PIWIL2: variants seen among roughly 807,000 people sequenced by gnomAD.
PIWIL2 encodes piwi-like protein 2.
A neutral mutation model predicts 116.5 loss-of-function variants in PIWIL2; 81 were observed. The observed-to-expected ratio is 0.70, with a 90% confidence interval of 0.58 to 0.84. PIWIL2 has a LOEUF of 0.84. Among genes scored for constraint, PIWIL2 ranks in the 40% least tolerant of loss-of-function variants. PIWIL2 has a pLI of 0.00. For missense variants in PIWIL2, 1,272 were observed against 1,212.3 expected (o/e 1.05, Z -0.73); for synonymous variants, 489 against 429.5 (o/e 1.14, Z -1.71).
intron 22 of PIWIL2, 27 bp from the exon 23 acceptor site, chr8:22,355,322 G>T (rs1452568220): frequency 3.1e-6 from 5 of 1,612,758 alleles, no homozygotes; most frequent in Non-Finnish European, 4.2e-6. Context: ...GGGATGATGA[G>T]AATTATATTT....
At chr8:22,317,313 C>T (rs556177219) in intron 19 of PIWIL2, among the ~76,000 whole-genome samples, 7 of 152,088 alleles carry the variant, frequency 4.6e-5, no homozygotes, top group Non-Finnish European at 8.8e-5. Context: ...TTAACAGTTG[C>T]CAAAGGTTTG....
At chr8:22,349,051 CTT>C (rs35385064) in intron 20 of PIWIL2, among the ~76,000 whole-genome samples, 8 of 136,776 alleles carry the variant, frequency 5.8e-5, no homozygotes, top group Non-Finnish European at 1.1e-4. Flanking sequence ...TTTCTTTTTT[CTT>C]TTTTTTTTTT....
In PIWIL2 at chr8:22,311,230, C is replaced by G; in HGVS notation, c.1919C>G (p.Ala640Gly). Residue 640 changes from alanine to glycine, a missense_variant, in exon 16 of 23, where the codon GCC becomes GGC. Physicochemically the swap from Ala to Gly is moderately conservative, Grantham distance 60 (BLOSUM62 0). Coordinates refer to ENST00000356766, the MANE Select transcript of PIWIL2 (RefSeq NM_018068.5). Reference protein sequence around the residue: ...GPIGMRMSPPAWVELKDDRIE... With the variant: ...GPIGMRMSPPGWVELKDDRIE... ...ATTGGCATGCGTATGAGCCCACCGG[C>G]CTGGGTTGAACTAAAGGATGACCGA... The G allele has an allele frequency of 6.2e-7, 1 of 1,614,100 alleles. No individual in the cohort carries two copies. Among genetic ancestry groups the G allele is most frequent in the Non-Finnish European group, 8.5e-7 (1 of 1,180,014 alleles).
At chr8:22,355,320 G>A in intron 22 of PIWIL2, 29 bp from the exon 23 acceptor site, 1 of 1,611,744 alleles carries the variant, frequency 6.2e-7, no homozygotes, top group Non-Finnish European at 8.5e-7. Context: ...GGGGGATGAT[G>A]AGAATTATAT....
At position 22,314,367 on chromosome 8, in the gene PIWIL2, C is replaced by T. The variant is rs549556841; in HGVS notation, c.2029C>T (p.Arg677Cys). The T allele has an allele frequency of 5.1e-6, 8 of 1,582,210 alleles. No individual in the cohort carries two copies. The highest frequency in any genetic ancestry group is 3.5e-5 in the South Asian group (3 of 86,012). Residue 677 changes from arginine to cysteine, a missense_variant, in exon 17 of 23, where the codon CGT (arginine) becomes TGT (cysteine). By Grantham distance (180) the Arg-to-Cys change is radical. Transcript: ENST00000356766. ...QMVVCIIMGP[R>C]DDLYGAIKKL... ...GGTTGTTTGCATCATCATGGGCCCA[C>T]GTGATGATCTCTATGGGGCCATCAA... is the stretch of plus-strand genomic sequence containing the variant.
Position 22,318,253 on chromosome 8 carries a change from G to A in PIWIL2, c.2381G>A (p.Gly794Asp), listed in dbSNP as rs1255024754. 2 of 1,608,056 alleles carry A rather than the reference G, an allele frequency of 1.2e-6. No homozygotes were observed. Among genetic ancestry groups the A allele is most frequent in the Admixed American group, 3.3e-5 (2 of 59,858 alleles). Residue 794 changes from glycine to aspartate, a missense_variant, in exon 20 of 23, where the codon GGC (glycine) becomes GAC (aspartate). By Grantham distance (94) the Gly-to-Asp change is moderately conservative. Coordinates refer to ENST00000356766, the MANE Select transcript of PIWIL2 (RefSeq NM_018068.5). ...IVDSLKLCLVGSLKKFYEVNH... is the reference protein window; with the variant it reads ...IVDSLKLCLVDSLKKFYEVNH... ...GACAGCCTGAAGCTATGCCTCGTGG[G>A]CTCCTTAAAAAAGTTTTATGAGGTG... is the stretch of plus-strand genomic sequence containing the variant.
At chr8:22,305,734 G>A (rs1161598085) in intron 12 of PIWIL2, among the ~76,000 whole-genome samples, 193 bp from the exon 13 acceptor site, 1 of 151,956 alleles carries the variant, frequency 6.6e-6, no homozygotes, top group African/African-American at 2.4e-5. Flanking sequence ...ACAACAGGCT[G>A]TATGTACAGT....
intron 20 of PIWIL2, among the ~76,000 whole-genome samples, chr8:22,340,746 A>T (rs1057399981): frequency 6.6e-6 from 1 of 151,992 alleles, no homozygotes; most frequent in Non-Finnish European, 1.5e-5. Context: ...TGAGACATAG[A>T]GTCTTTCTGT....
intron 20 of PIWIL2, among the ~76,000 whole-genome samples, chr8:22,351,786 A>G (rs2132113471): frequency 6.6e-6 from 1 of 150,460 alleles, no homozygotes; most frequent in East Asian, 2.0e-4. Context: ...TGATCCACCC[A>G]CCTCGGCCTC....
intron 12 of PIWIL2, among the ~76,000 whole-genome samples, chr8:22,305,371 T>A (rs1466455823): frequency 6.6e-6 from 1 of 152,040 alleles, no homozygotes; most frequent in Non-Finnish European, 1.5e-5. Context: ...TTTTTGTATT[T>A]TTAATAGAGA....
chr8:22,325,523 AC>A (rs1261983477), intron 20 of PIWIL2, among the ~76,000 whole-genome samples: 1 of 118,018 alleles, frequency 8.5e-6, no homozygotes, highest in Non-Finnish European at 1.6e-5. Flanking sequence ...TCATTCTGTC[AC>A]CCAGGCTGGA....
At chr8:22,343,902 G>T (rs1278744795) in intron 20 of PIWIL2, among the ~76,000 whole-genome samples, 3 of 152,184 alleles carry the variant, frequency 2.0e-5, no homozygotes, top group Non-Finnish European at 2.9e-5. Context: ...TCCCAAATAA[G>T]TTGAAAACTT....
chr8:22,302,528 A>C (rs952420383), intron 10 of PIWIL2, among the ~76,000 whole-genome samples: 4 of 152,058 alleles, frequency 2.6e-5, no homozygotes, highest in African/African-American at 9.7e-5. Context: ...TTGAGACTAA[A>C]GACTCTGTTA....
chr8:22,355,290 G>C, intron 22 of PIWIL2, 59 bp from the exon 23 acceptor site: 2 of 1,558,622 alleles, frequency 1.3e-6, no homozygotes, highest in Non-Finnish European at 1.8e-6. Flanking sequence ...GTATTGTATT[G>C]CATGCCACAA....
At chr8:22,311,365 A>T in intron 16 of PIWIL2, 65 bp downstream of exon 16, 1 of 1,307,606 alleles carries the variant, frequency 7.6e-7, no homozygotes, top group Non-Finnish European at 1.1e-6. Flanking sequence ...ACTTAATTTT[A>T]ATGTATCATG....
rs769797088 is a variant in PIWIL2, at chr8:22,281,426, C to G, written c.336C>G (p.Asp112Glu). 2 of 1,605,628 alleles carry G rather than the reference C, an allele frequency of 1.2e-6. No individual in the cohort carries two copies. Among genetic ancestry groups the G allele is most frequent in the South Asian group, 2.2e-5 (2 of 89,382 alleles). ...TGTCTGCTAATCTGGTACGCAAGGA[C>G]AGGGAGGAACTCTCTCCCACTTTTT... ...RGLSANLVRK[D>E]REELSPTFWD... is the part of the protein sequence containing the mutation. The change falls in exon 4 of 23, where the codon GAC becomes GAG. Residue 112 changes from aspartate (D) to glutamate (E), a missense_variant. Physicochemically the swap from Asp to Glu is conservative, Grantham distance 45. Transcript: ENST00000356766.
chr8:22,285,734 A>G (rs1011195671), intron 6 of PIWIL2, among the ~76,000 whole-genome samples: 9 of 151,928 alleles, frequency 5.9e-5, no homozygotes, highest in African/African-American at 4.8e-5. Context: ...CTCTGCCTCC[A>G]AGGTTCAAGC....
chr8:22,333,627 A>C (rs554830005), intron 20 of PIWIL2, among the ~76,000 whole-genome samples: 5 of 152,142 alleles, frequency 3.3e-5, no homozygotes, highest in South Asian at 2.1e-4. Context: ...AACAAACAAA[A>C]AAAATGTTTC....
intron 13 of PIWIL2, among the ~76,000 whole-genome samples, chr8:22,307,366 A>T (rs1260692083): frequency 6.6e-6 from 1 of 152,052 alleles, no homozygotes; most frequent in Non-Finnish European, 1.5e-5. Context: ...TTCCTGTTTC[A>T]TAGGCTCTTA....
Sources: allele counts gnomAD v4.1 joint callset (sites outside exome capture counted in the v4.1 genomes callset), GRCh38; gene constraint gnomAD v4.1.1; transcripts MANE v1.5; gene names NCBI Gene and HGNC (gene_info 2026-07-23, HGNC 2026-07-21).